DGKB: variants seen among roughly 807,000 people sequenced by gnomAD.
The protein encoded by DGKB is diacylglycerol kinase beta, also known as 90 kDa diacylglycerol kinase.
In DGKB, 67 loss-of-function variants were observed where a neutral mutation model predicts 114.3. That is an observed-to-expected ratio of 0.59 (90% CI 0.48 to 0.72). The LOEUF (loss-of-function observed/expected upper bound fraction) is 0.72. DGKB is among the 30% of genes least tolerant of loss of function. The pLI, the probability that DGKB is intolerant of heterozygous loss-of-function variation, is 0.00. For missense variants in DGKB, 907 were observed against 975.2 expected, an observed-to-expected ratio of 0.93 and a Z score of 0.93; for synonymous variants, 398 against 323.1, an observed-to-expected ratio of 1.23 and a Z score of -2.49.
intron 21 of DGKB, among the ~76,000 whole-genome samples, chr7:14,398,784 G>T (rs1822640634): frequency 1.2e-5 from 1 of 86,242 alleles, no homozygotes; most frequent in Non-Finnish European, 2.6e-5. Flanking sequence ...CTAACACATG[G>T]TCTATGACTA....
intron 17 of DGKB, among the ~76,000 whole-genome samples, chr7:14,597,908 GA>G (rs1026703594): frequency 2.0e-5 from 3 of 151,896 alleles, no homozygotes; most frequent in Non-Finnish European, 4.4e-5. Context: ...AATTTCTTGG[GA>G]TGTGATTATA....
chr7:14,918,254 G>A (rs966914182), intron 1 of DGKB, among the ~76,000 whole-genome samples: 8 of 151,936 alleles, frequency 5.3e-5, no homozygotes, highest in Admixed American at 2.0e-4. Context: ...AGGTAACTTC[G>A]TAGATAAGAA....
intron 23 of DGKB, among the ~76,000 whole-genome samples, chr7:14,230,102 T>C (rs1049536588): frequency 2.6e-5 from 4 of 151,972 alleles, no homozygotes; most frequent in African/African-American, 9.7e-5. Flanking sequence ...ACTTACCTTG[T>C]ACTAAACCTG....
At chr7:14,570,725 G>A (rs1393271414) in intron 20 of DGKB, among the ~76,000 whole-genome samples, 1 of 151,942 alleles carries the variant, frequency 6.6e-6, no homozygotes, top group Non-Finnish European at 1.5e-5. Context: ...TAAAGGGGAG[G>A]AAGAAGAGAA....
At chr7:14,833,453 G>A (rs1051750701) in intron 2 of DGKB, among the ~76,000 whole-genome samples, 1 of 151,978 alleles carries the variant, frequency 6.6e-6, no homozygotes. Flanking sequence ...TTAATAAATA[G>A]GTTCTTAATC....
intron 8 of DGKB, among the ~76,000 whole-genome samples, chr7:14,695,848 C>A (rs1237953099): frequency 6.6e-6 from 1 of 151,940 alleles, no homozygotes; most frequent in Non-Finnish European, 1.5e-5. Flanking sequence ...GAGAAGCCTG[C>A]TGATGTGTAC....
intron 2 of DGKB, among the ~76,000 whole-genome samples, chr7:14,761,075 A>T (rs190719267): frequency 1.6e-4 from 24 of 152,258 alleles, no homozygotes; most frequent in African/African-American, 5.5e-4. Flanking sequence ...TGCCTCTCCA[A>T]TTCTCAAGTT....
intron 1 of DGKB, among the ~76,000 whole-genome samples, chr7:14,872,794 C>T (rs976328353): frequency 1.3e-5 from 2 of 149,808 alleles, no homozygotes; most frequent in Non-Finnish European, 3.0e-5. Flanking sequence ...GTTTATGTAA[C>T]ATATATGTAT....
chr7:14,232,475 T>C (rs1473431222), intron 23 of DGKB, among the ~76,000 whole-genome samples: 1 of 151,708 alleles, frequency 6.6e-6, no homozygotes, highest in Non-Finnish European at 1.5e-5. Context: ...TTAGGATGAT[T>C]GGCCATATGA....
At chr7:14,170,186 A>AT (rs1780763147) in intron 25 of DGKB, among the ~76,000 whole-genome samples, 1 of 146,864 alleles carries the variant, frequency 6.8e-6, no homozygotes, top group African/African-American at 2.6e-5. Context: ...AGAAAGAAAG[A>AT]AAGAAAGAAA....
chr7:14,467,819 G>T (rs1481614823), intron 21 of DGKB, among the ~76,000 whole-genome samples: 3 of 152,114 alleles, frequency 2.0e-5, no homozygotes, highest in African/African-American at 7.2e-5. Flanking sequence ...AAGCAACGCA[G>T]AGGATATAAT....
chr7:14,377,585 A>G (rs1171362337), intron 21 of DGKB, among the ~76,000 whole-genome samples: 1 of 152,230 alleles, frequency 6.6e-6, no homozygotes, highest in Non-Finnish European at 1.5e-5. Flanking sequence ...TGATTTTAAT[A>G]AAAACATATA....
At chr7:14,244,037 CAGAGAGAG>C (rs879539602) in intron 23 of DGKB, among the ~76,000 whole-genome samples, 1 of 141,608 alleles carries the variant, frequency 7.1e-6, no homozygotes. Flanking sequence ...GAGAGAGAGA[CAGAGAGAG>C]AGAGAGAGGG....
chr7:14,661,781 A>G (rs1036274902), intron 13 of DGKB, among the ~76,000 whole-genome samples: 4 of 151,950 alleles, frequency 2.6e-5, no homozygotes, highest in Admixed American at 6.6e-5. Flanking sequence ...CATTATTCAC[A>G]ATAGCAAAGA....
intron 23 of DGKB, among the ~76,000 whole-genome samples, chr7:14,179,372 G>T (rs1418228226): frequency 6.6e-6 from 1 of 152,110 alleles, no homozygotes. Flanking sequence ...GTGTTTTTGT[G>T]TATTTTCAAA....
intron 23 of DGKB, among the ~76,000 whole-genome samples, chr7:14,260,152 A>C (rs1320115963): frequency 6.6e-6 from 1 of 151,882 alleles, no homozygotes; most frequent in Non-Finnish European, 1.5e-5. Context: ...GAATTTGCTT[A>C]GGAAAGAAAT....
chr7:14,200,648 T>C (rs911724879), intron 23 of DGKB, among the ~76,000 whole-genome samples: 2 of 152,036 alleles, frequency 1.3e-5, no homozygotes, highest in African/African-American at 2.4e-5. Flanking sequence ...CAAAGTTACA[T>C]TGAGCACCAA....
At chr7:14,361,156 T>C (rs1010496942) in intron 21 of DGKB, among the ~76,000 whole-genome samples, 4 of 152,054 alleles carry the variant, frequency 2.6e-5, no homozygotes, top group Non-Finnish European at 5.9e-5. Context: ...TCTTCACACA[T>C]CAGCAGTCTT....
At chr7:14,966,974 G>A (rs1398263299) in intron 1 of DGKB, among the ~76,000 whole-genome samples, 1 of 152,008 alleles carries the variant, frequency 6.6e-6, no homozygotes, top group Non-Finnish European at 1.5e-5. Context: ...ATTGTACATT[G>A]TACAATATAT....
Sources: allele counts gnomAD v4.1 joint callset (sites outside exome capture counted in the v4.1 genomes callset), GRCh38; gene constraint gnomAD v4.1.1; transcripts MANE v1.5; gene names NCBI Gene and HGNC (gene_info 2026-07-23, HGNC 2026-07-21).